Variants in KCND2 observed in about 807,000 individuals in gnomAD.
KCND2 encodes potassium voltage-gated channel subfamily D member 2.
In KCND2, 16 loss-of-function variants were observed where a neutral mutation model predicts 54.4. That is an observed-to-expected ratio of 0.29 (90% CI 0.20 to 0.45). The LOEUF is 0.45. Ranked by LOEUF, KCND2 falls within the 20% of genes least tolerant of loss-of-function variation. The probability of loss-of-function intolerance (pLI) is 1.00; values close to 1 mark genes in which losing one functional copy is unlikely to be tolerated. For synonymous variants in KCND2, 317 were observed against 310.7 expected (o/e 1.02, Z -0.21); for missense variants, 486 against 824.2 (o/e 0.59, Z 5.02).
intron 1 of KCND2, among the ~76,000 whole-genome samples, chr7:120,288,346 A>G (rs1188399941): frequency 6.6e-6 from 1 of 152,172 alleles, no homozygotes; most frequent in Admixed American, 6.6e-5. Flanking sequence ...TTTCTTTTAT[A>G]TAAACAGAAG....
chr7:120,658,888 G>T (rs1283234275), intron 1 of KCND2, among the ~76,000 whole-genome samples: 2 of 152,092 alleles, frequency 1.3e-5, no homozygotes, highest in African/African-American at 2.4e-5. Flanking sequence ...CTGTGGGATT[G>T]GTCTATACCG....
At chr7:120,651,566 T>G (rs4730970) in intron 1 of KCND2, among the ~76,000 whole-genome samples, 58,672 of 151,810 alleles carry the variant, frequency 0.39, 13,322 homozygotes, top group African/African-American at 0.62. Context: ...GCACTTCCCG[T>G]GTGAGGCAAT....
At chr7:120,324,826 A>G (rs1439215496) in intron 1 of KCND2, among the ~76,000 whole-genome samples, 6 of 150,444 alleles carry the variant, frequency 4.0e-5, no homozygotes, top group Admixed American at 6.6e-5. Context: ...GTTTTTTCCA[A>G]TTCTGTGAAG....
intron 1 of KCND2, among the ~76,000 whole-genome samples, chr7:120,387,410 ATAAGT>A (rs879868777): frequency 1.3e-5 from 2 of 152,040 alleles, no homozygotes; most frequent in Non-Finnish European, 1.5e-5. Flanking sequence ...TAAAAAATAA[ATAAGT>A]TAAAGAGTAT....
intron 1 of KCND2, among the ~76,000 whole-genome samples, chr7:120,388,353 T>A (rs921859344): frequency 6.6e-6 from 1 of 152,086 alleles, no homozygotes; most frequent in Non-Finnish European, 1.5e-5. Context: ...GGTCCAACAG[T>A]ATCTGCATTA....
chr7:120,338,195 T>C (rs1800178927), intron 1 of KCND2, among the ~76,000 whole-genome samples: 1 of 152,176 alleles, frequency 6.6e-6, no homozygotes, highest in Non-Finnish European at 1.5e-5. Context: ...CTTAGTGTGG[T>C]ACGCTAATCA....
At chr7:120,330,285 AAT>A (rs1403173770) in intron 1 of KCND2, among the ~76,000 whole-genome samples, 1 of 152,110 alleles carries the variant, frequency 6.6e-6, no homozygotes, top group East Asian at 1.9e-4. Context: ...CCTGGCGCAT[AAT>A]AAAAAAAGTA....
intron 1 of KCND2, among the ~76,000 whole-genome samples, chr7:120,396,808 A>G (rs1801161724): frequency 6.6e-6 from 1 of 152,052 alleles, no homozygotes; most frequent in Non-Finnish European, 1.5e-5. Flanking sequence ...TACCACAGAC[A>G]TTATGGCCAT....
intron 1 of KCND2, among the ~76,000 whole-genome samples, chr7:120,369,132 A>T (rs931385670): frequency 6.7e-6 from 1 of 148,216 alleles, no homozygotes; most frequent in African/African-American, 2.5e-5. Flanking sequence ...GTGGGTTGAG[A>T]TTTTTTTTTT....
chr7:120,453,107 G>T (rs1802140979), intron 1 of KCND2, among the ~76,000 whole-genome samples: 1 of 152,146 alleles, frequency 6.6e-6, no homozygotes, highest in African/African-American at 2.4e-5. Flanking sequence ...CTCTATTGCA[G>T]CCTGCACCAT....
chr7:120,334,767 A>G (rs62470539), intron 1 of KCND2, among the ~76,000 whole-genome samples: 18,319 of 152,226 alleles, frequency 0.12, 1,174 homozygotes, highest in African/African-American at 0.16. Flanking sequence ...GTTTATTTGC[A>G]TCACCCCCAG....
intron 1 of KCND2, among the ~76,000 whole-genome samples, chr7:120,503,978 A>G (rs1802977018): frequency 6.6e-6 from 1 of 151,926 alleles, no homozygotes; most frequent in African/African-American, 2.4e-5. Context: ...TATCGTTCTA[A>G]AACAGTCATA....
chr7:120,697,928 T>C (rs192471434), intron 1 of KCND2, among the ~76,000 whole-genome samples: 41 of 152,226 alleles, frequency 2.7e-4, no homozygotes, highest in Admixed American at 2.0e-4. Context: ...CACATCACTA[T>C]ATGTATTTCT....
intron 1 of KCND2, among the ~76,000 whole-genome samples, chr7:120,524,160 G>A (rs894326134): frequency 5.9e-5 from 9 of 151,876 alleles, no homozygotes; most frequent in African/African-American, 2.2e-4. Context: ...GCCGGAACCC[G>A]GGAGGTGGAG....
chr7:120,451,461 AAAT>A (rs1422387023), intron 1 of KCND2, among the ~76,000 whole-genome samples: 1 of 152,208 alleles, frequency 6.6e-6, no homozygotes, highest in Non-Finnish European at 1.5e-5. Context: ...AAAACAATAC[AAAT>A]AATAATAAAC....
chr7:120,365,961 A>G (rs1364640004), intron 1 of KCND2, among the ~76,000 whole-genome samples: 2 of 152,154 alleles, frequency 1.3e-5, no homozygotes, highest in Admixed American at 1.3e-4. Flanking sequence ...AACTTTAGTT[A>G]AAATGTTCAG....
intron 1 of KCND2, among the ~76,000 whole-genome samples, chr7:120,690,402 A>G (rs1311132437): frequency 3.9e-5 from 6 of 152,242 alleles, no homozygotes; most frequent in Non-Finnish European, 5.9e-5. Flanking sequence ...CCTGACCTTA[A>G]GTATTTAATT....
intron 1 of KCND2, among the ~76,000 whole-genome samples, chr7:120,460,085 T>G (rs1272948922): frequency 6.6e-6 from 1 of 152,158 alleles, no homozygotes; most frequent in Non-Finnish European, 1.5e-5. Context: ...TTGCTCCAAC[T>G]TGAAAAGAGA....
At chr7:120,747,404 T>C (rs918712209) in intron 5 of KCND2, among the ~76,000 whole-genome samples, 20 of 152,106 alleles carry the variant, frequency 1.3e-4, no homozygotes, top group Admixed American at 9.9e-4. Context: ...CAAATCTTAC[T>C]TGAAGCTCTT....
Sources: allele counts gnomAD v4.1 joint callset (sites outside exome capture counted in the v4.1 genomes callset), GRCh38; gene constraint gnomAD v4.1.1; transcripts MANE v1.5; gene names NCBI Gene and HGNC (gene_info 2026-07-23, HGNC 2026-07-21).